The following TIAM1 variants were observed in gnomAD, a reference collection of about 807,000 sequenced individuals.
The protein encoded by TIAM1 is rho guanine nucleotide exchange factor TIAM1.
In TIAM1, 65 loss-of-function variants were observed where a neutral mutation model predicts 163.5. The ratio of observed to expected loss-of-function variants is 0.40; its 90% CI spans 0.33 to 0.49. The LOEUF is 0.49. Ranked by LOEUF, TIAM1 falls within the 20% of genes least tolerant of loss-of-function variation. TIAM1 has a pLI of 0.77. For missense variants in TIAM1, 1,789 were observed against 2,044.7 expected (o/e 0.87, Z 2.41); for synonymous variants, 833 against 810.1 (o/e 1.03, Z -0.48).
At position 31,535,503 on chromosome 21, in the gene TIAM1, A is replaced by C. The variant is rs1270300416; in HGVS notation, c.-422+23424T>G. On this transcript the variant is annotated intron_variant, in intron 1 of 28. Coordinates refer to the TIAM1 transcript ENST00000286827. ...GGCTCTGATTCCTTAAATTAATTGA[A>C]AAACATGGACCCCAACCTTTACAGA... Among the ~76,000 whole-genome samples the C allele has an allele frequency of 7.2e-5, 11 of 152,040 alleles. No individual in the cohort carries two copies. In the East Asian group the frequency reaches 2.1e-3, roughly 29 times the overall value.
At chr21:31,432,171 A>T (rs1279019485) in intron 2 of TIAM1, among the ~76,000 whole-genome samples, 2 of 141,860 alleles carry the variant, frequency 1.4e-5, no homozygotes, top group Non-Finnish European at 3.0e-5. Flanking sequence ...CGTAATCTCA[A>T]CTCACTGCAA....
At chr21:31,234,187 C>T (rs2088605782) in intron 6 of TIAM1, among the ~76,000 whole-genome samples, 1 of 150,604 alleles carries the variant, frequency 6.6e-6, no homozygotes, top group South Asian at 2.1e-4. Flanking sequence ...GAAGCCATGC[C>T]TGAAACAGAG....
At chr21:31,369,652 T>A (rs1401577412) in intron 2 of TIAM1, among the ~76,000 whole-genome samples, 1 of 152,212 alleles carries the variant, frequency 6.6e-6, no homozygotes, top group African/African-American at 2.4e-5. Flanking sequence ...TGTATACTTG[T>A]ATCAAAATAT....
chr21:31,356,544 G>C (rs1055368033), intron 2 of TIAM1, among the ~76,000 whole-genome samples: 17 of 152,292 alleles, frequency 1.1e-4, no homozygotes, highest in African/African-American at 4.1e-4. Context: ...CCAGGATTGG[G>C]ATTAGTGCTC....
At chr21:31,420,767 A>G (rs2043539314) in intron 2 of TIAM1, among the ~76,000 whole-genome samples, 1 of 152,132 alleles carries the variant, frequency 6.6e-6, no homozygotes, top group African/African-American at 2.4e-5. Flanking sequence ...CAAAAAATTC[A>G]CATCCACTCA....
At chr21:31,501,518 T>C (rs544400844) in intron 1 of TIAM1, among the ~76,000 whole-genome samples, 2 of 152,300 alleles carry the variant, frequency 1.3e-5, no homozygotes, top group East Asian at 3.9e-4. Flanking sequence ...GCCTTTCGTA[T>C]CTACCTGTTG....
intron 11 of TIAM1, among the ~76,000 whole-genome samples, chr21:31,206,294 A>T (rs2086447030): frequency 6.6e-6 from 1 of 152,246 alleles, no homozygotes; most frequent in African/African-American, 2.4e-5. Flanking sequence ...TAATTAAATC[A>T]GATCATCAGA....
chr21:31,463,590 G>C, intron 2 of TIAM1, among the ~76,000 whole-genome samples: 1 of 152,172 alleles, frequency 6.6e-6, no homozygotes, highest in East Asian at 1.9e-4. Flanking sequence ...GGCCGAGGCA[G>C]ACGGATCACC....
At chr21:31,195,642 G>A (rs2085807835) in intron 12 of TIAM1, among the ~76,000 whole-genome samples, 1 of 151,972 alleles carries the variant, frequency 6.6e-6, no homozygotes, top group Non-Finnish European at 1.5e-5. Context: ...ATCAAGAAGA[G>A]GTTATAAAGA....
At chr21:31,341,081 G>A (rs948666028) in intron 1 of TIAM1, among the ~76,000 whole-genome samples, 4 of 152,180 alleles carry the variant, frequency 2.6e-5, no homozygotes, top group Non-Finnish European at 5.9e-5. Context: ...AAGGTTGGAG[G>A]TAGGACAAGA....
intron 2 of TIAM1, among the ~76,000 whole-genome samples, chr21:31,415,133 G>A (rs1486219253): frequency 6.6e-6 from 1 of 152,200 alleles, no homozygotes; most frequent in Non-Finnish European, 1.5e-5. Flanking sequence ...GAGAGCCTCA[G>A]CTATAGAATG....
intron 2 of TIAM1, among the ~76,000 whole-genome samples, chr21:31,292,516 T>C (rs1040234260): frequency 1.3e-5 from 2 of 150,766 alleles, no homozygotes; most frequent in African/African-American, 4.9e-5. Flanking sequence ...ATTACAAGCA[T>C]GCGCCACCAG....
At chr21:31,215,031 A>T (rs548416274) in intron 9 of TIAM1, among the ~76,000 whole-genome samples, 2 of 152,300 alleles carry the variant, frequency 1.3e-5, no homozygotes, top group South Asian at 4.1e-4. Context: ...ATACTTTTAG[A>T]AAAAATACAA....
At chr21:31,175,082 A>G (rs1288242363) in intron 15 of TIAM1, among the ~76,000 whole-genome samples, 1 of 152,186 alleles carries the variant, frequency 6.6e-6, no homozygotes, top group Non-Finnish European at 1.5e-5. Flanking sequence ...AGCTGGGACT[A>G]CCGGTGCACA....
chr21:31,207,694 G>T (rs925582799), intron 11 of TIAM1, among the ~76,000 whole-genome samples: 2 of 152,134 alleles, frequency 1.3e-5, no homozygotes, highest in Non-Finnish European at 1.5e-5. Context: ...CTTTTCCAAA[G>T]ACCATCAATT....
intron 9 of TIAM1, among the ~76,000 whole-genome samples, chr21:31,217,094 C>A (rs1342578547): frequency 6.6e-6 from 1 of 152,026 alleles, no homozygotes; most frequent in East Asian, 1.9e-4. Context: ...GTAGTCCCAG[C>A]TACTCGGGAG....
chr21:31,498,510 C>T (rs1267639396), intron 1 of TIAM1, among the ~76,000 whole-genome samples: 1 of 152,212 alleles, frequency 6.6e-6, no homozygotes, highest in Non-Finnish European at 1.5e-5. Flanking sequence ...CTCCATGACC[C>T]AGTCTCTAGT....
chr21:31,532,903 A>G (rs1292952739), intron 1 of TIAM1, among the ~76,000 whole-genome samples: 2 of 152,160 alleles, frequency 1.3e-5, no homozygotes, highest in Admixed American at 6.5e-5. Context: ...TTGTGGTTAC[A>G]CCACTACACT....
chr21:31,165,132 G>C, intron 15 of TIAM1, 67 bp from the exon 16 acceptor site: 1 of 1,436,850 alleles, frequency 7.0e-7, no homozygotes, highest in Non-Finnish European at 9.7e-7. Context: ...CCACCCCTGT[G>C]TGAGGGGGAC....
Sources: allele counts gnomAD v4.1 joint callset (sites outside exome capture counted in the v4.1 genomes callset), GRCh38; gene constraint gnomAD v4.1.1; transcripts MANE v1.5; gene names NCBI Gene and HGNC (gene_info 2026-07-23, HGNC 2026-07-21).